ZNF787: variants seen among roughly 807,000 people sequenced by gnomAD.
The protein encoded by ZNF787 is TTF-I-interacting peptide 20.
A neutral mutation model predicts 16.9 loss-of-function variants in ZNF787; 7 were observed. The ratio of observed to expected loss-of-function variants is 0.42; its 90% confidence interval spans 0.24 to 0.78. ZNF787 has a LOEUF of 0.78. Among genes scored for constraint, ZNF787 ranks in the 30% least tolerant of loss-of-function variants. ZNF787 has a pLI of 0.30. For synonymous variants in ZNF787, 345 were observed against 270.9 expected, an observed-to-expected ratio of 1.27 and a Z score of -2.69; for missense variants, 551 against 589.3, an observed-to-expected ratio of 0.94 and a Z score of 0.67.
chr19:56,119,912 G>A (rs146231989), intron 1 of ZNF787, among the ~76,000 whole-genome samples: 1 of 152,338 alleles, frequency 6.6e-6, no homozygotes, highest in African/African-American at 2.4e-5. Context: ...CCGGCGCTGG[G>A]GTCAATCGGA....
chr19:56,110,676 A>G (rs531783138), intron 1 of ZNF787, among the ~76,000 whole-genome samples: 34 of 152,350 alleles, frequency 2.2e-4, no homozygotes, highest in Middle Eastern at 6.8e-3. Flanking sequence ...CACATAACTC[A>G]ATAAAAGCAG....
At chr19:56,091,227 A>G (rs1985562324) in intron 2 of ZNF787, among the ~76,000 whole-genome samples, 1 of 152,204 alleles carries the variant, frequency 6.6e-6, no homozygotes, top group Non-Finnish European at 1.5e-5. Context: ...CCGTAAACCG[A>G]GCCATACTAT....
rs1985355319 is a variant in ZNF787 at position 56,087,870 on chromosome 19, CGGACGGCGCAG to C, written c.*142_*152del. 2.5e-6 allele frequency: 3 copies of C among 1,207,074 alleles called. No individual in the cohort carries two copies. Among genetic ancestry groups the C allele is most frequent in the Admixed American group, 4.4e-5 (1 of 22,672 alleles). 74.8% of individuals were successfully genotyped at this position (1,207,074 alleles called of 1,614,324 possible). A position where few individuals can be genotyped will look rare whatever the true frequency, so the allele number is the denominator to read the frequency against. The stretch of plus-strand genomic sequence containing the variant: ...CCTAATACGCCCCAGTGCCCCCCCA[CGGACGGCGCAG>C]GGACAGAGGAGGGCGGGGAGCCGGG... On this transcript the variant is annotated 3_prime_UTR_variant, in exon 3 of 3. Coordinates refer to ENST00000610935, the MANE Select transcript of ZNF787 (RefSeq NM_001002836.4).
chr19:56,109,057 C>T (rs376319971), intron 1 of ZNF787, among the ~76,000 whole-genome samples: 123 of 152,226 alleles, frequency 8.1e-4, no homozygotes, highest in Non-Finnish European at 1.3e-3. Context: ...GCAAGGGAGC[C>T]GGCCAAGGAA....
rs1491375517 is a variant in ZNF787, at chr19:56,088,073, C to CGTA, written c.1098_1099insTAC (p.Asp366_Glu367insTyr). On this transcript the variant is annotated inframe_insertion, in exon 3 of 3. Coordinates refer to ENST00000610935, the MANE Select transcript of ZNF787 (RefSeq NM_001002836.4). The surrounding 1 kb of genome is among the most constrained non-coding windows in gnomAD (Gnocchi z 8.6). ...TCGGGGCACCGCCCGCCCGCGGCCT[C>CGTA]GTCGTCGTCGTCCTCCTCCTCCCCG... is the stretch of plus-strand genomic sequence containing the variant. 1.5e-5 allele frequency: 21 copies of CGTA among 1,434,830 alleles called. No homozygotes were observed. The African/African-American group carries it at 3.0e-4, about 20-fold the overall frequency. 88.9% of individuals were successfully genotyped at this position (1,434,830 alleles called of 1,614,324 possible). A position where few individuals can be genotyped will look rare whatever the true frequency, so the allele number is the denominator to read the frequency against.
intron 2 of ZNF787, among the ~76,000 whole-genome samples, chr19:56,089,358 A>C (rs780249322): frequency 2.0e-5 from 3 of 152,128 alleles, no homozygotes; most frequent in Non-Finnish European, 2.9e-5. Context: ...CTGGTCTGTA[A>C]ACAACCAGGC....
intron 1 of ZNF787, among the ~76,000 whole-genome samples, chr19:56,117,922 G>C (rs1280346695): frequency 6.6e-6 from 1 of 152,232 alleles, no homozygotes; most frequent in Non-Finnish European, 1.5e-5. Context: ...AAACAGGGGG[G>C]CCAGATGGGA....
At chr19:56,114,492 C>G (rs939075105) in intron 1 of ZNF787, among the ~76,000 whole-genome samples, 48 of 150,896 alleles carry the variant, frequency 3.2e-4, no homozygotes, top group South Asian at 6.3e-4. Flanking sequence ...TCTGAGGGGC[C>G]GGGCTCATTC....
chr19:56,092,043 G>T (rs79579112), intron 2 of ZNF787, among the ~76,000 whole-genome samples: 3,285 of 128,846 alleles, frequency 0.025, 93 homozygotes, highest in African/African-American at 0.086. Context: ...AGCCGAAGCC[G>T]AAGCCTCACC....
At chr19:56,104,856 C>T (rs1288499113) in intron 1 of ZNF787, among the ~76,000 whole-genome samples, 1 of 152,214 alleles carries the variant, frequency 6.6e-6, no homozygotes, top group Non-Finnish European at 1.5e-5. Context: ...TGGCTGGATG[C>T]GGTGGCTCCC....
intron 1 of ZNF787, among the ~76,000 whole-genome samples, chr19:56,103,655 C>T (rs973076016): frequency 6.6e-6 from 1 of 152,232 alleles, no homozygotes; most frequent in Admixed American, 6.5e-5. Context: ...AGTTCCCACA[C>T]CCCTGGCAGA....
intron 1 of ZNF787, among the ~76,000 whole-genome samples, chr19:56,119,096 A>G (rs2030215654): frequency 6.6e-6 from 1 of 152,126 alleles, no homozygotes; most frequent in African/African-American, 2.4e-5. Context: ...CAGGGACTGT[A>G]TGATTCCTGC....
At chr19:56,100,530 G>A (rs1986050333) in intron 2 of ZNF787, among the ~76,000 whole-genome samples, 1 of 152,006 alleles carries the variant, frequency 6.6e-6, no homozygotes, top group Non-Finnish European at 1.5e-5. Context: ...ATGCTCCCCT[G>A]CCCCTCCAGG....
chr19:56,091,974 AGC>A (rs1985603874), intron 2 of ZNF787, among the ~76,000 whole-genome samples: 1 of 150,866 alleles, frequency 6.6e-6, no homozygotes, highest in African/African-American at 2.4e-5. Context: ...CCGAAGCCAA[AGC>A]CGAAGGCGAA....
chr19:56,115,966 C>T (rs368566899), intron 1 of ZNF787, among the ~76,000 whole-genome samples: 21 of 152,288 alleles, frequency 1.4e-4, no homozygotes, highest in African/African-American at 5.1e-4. Flanking sequence ...CTACAAAGTA[C>T]ACTATGGACT....
Position 56,087,783 on chromosome 19 carries a change from T to G in ZNF787, c.*240A>C, listed in dbSNP as rs1985340967. ...ATTGTCTCTCCGGCTCGCAGGCCGA[T>G]AACTTAGGAAGGGCGGGCCAGGCTG... is the stretch of plus-strand genomic sequence containing the variant. On this transcript the variant is annotated 3_prime_UTR_variant, in exon 3 of 3. Coordinates refer to ENST00000610935, the MANE Select transcript of ZNF787 (RefSeq NM_001002836.4). 1.7e-5 allele frequency: 9 copies of G among 533,128 alleles called. No individual in the cohort carries two copies. The highest frequency in any genetic ancestry group is 2.4e-5 in the Non-Finnish European group (9 of 370,830). 33.0% of individuals were successfully genotyped at this position (533,128 alleles called of 1,614,324 possible).
chr19:56,097,247 C>T (rs534526655), intron 2 of ZNF787, among the ~76,000 whole-genome samples: 75 of 152,302 alleles, frequency 4.9e-4, no homozygotes, highest in African/African-American at 1.1e-3. Context: ...TATGAAGTGC[C>T]GGCCATTATT....
chr19:56,092,650 G>C (rs1985665831), intron 2 of ZNF787, among the ~76,000 whole-genome samples: 1 of 151,894 alleles, frequency 6.6e-6, no homozygotes, highest in African/African-American at 2.4e-5. Context: ...GCCCCACGGA[G>C]AATCCTGGTT....
rs574644 is a variant in ZNF787, at chr19:56,096,245, T to A, written c.79+6894A>T. On this transcript the variant is annotated intron_variant, in intron 2 of 2. Transcript: ENST00000610935. ...CCCGTCTCTAAAAAAATAAAAAAAA[T>A]AAAAAAATAAAAAAAATAAAAAAAC... Among the ~76,000 whole-genome samples, 7 of 132,566 alleles carry A rather than the reference T, an allele frequency of 5.3e-5. No individual in the cohort carries two copies. In the East Asian group the frequency reaches 7.3e-4, roughly 14 times the overall value. 87.0% of individuals were successfully genotyped at this position (132,566 alleles called of 152,430 possible).
Sources: gnomAD v4.1 joint callset for allele counts (sites outside exome capture counted in the v4.1 genomes callset) on GRCh38, gnomAD v4.1.1 for gene constraint, Gnocchi (gnomAD v3.1) non-coding constraint, MANE v1.5 for transcripts, NCBI Gene and HGNC (gene_info 2026-07-23, HGNC 2026-07-21) for gene names.